Variants in TMTC4 observed in about 807,000 individuals in gnomAD.
TMTC4 encodes the protein transmembrane O-mannosyltransferase targeting cadherins 4, also known as protein O-mannosyl-transferase TMTC4.
Under a neutral mutation model 86.0 loss-of-function variants are expected in TMTC4, and 65 were observed. The ratio of observed to expected loss-of-function variants is 0.76; its 90% CI spans 0.62 to 0.93. TMTC4 has a LOEUF of 0.93. TMTC4 is among the 40% of genes least tolerant of loss of function. TMTC4 has a pLI of 0.00. For synonymous variants in TMTC4, 379 were observed against 382.5 expected, an observed-to-expected ratio of 0.99 and a Z score of 0.11; for missense variants, 866 against 948.1, an observed-to-expected ratio of 0.91 and a Z score of 1.14.
intron 17 of TMTC4, among the ~76,000 whole-genome samples, chr13:100,610,434 G>C (rs1237942844): frequency 6.6e-6 from 1 of 152,194 alleles, no homozygotes; most frequent in African/African-American, 2.4e-5. Flanking sequence ...AAAATACATG[G>C]AATGCTTGCT....
At chr13:100,642,190 C>T in intron 7 of TMTC4, 21 bp downstream of exon 7, 3 of 1,612,896 alleles carry the variant, frequency 1.9e-6, no homozygotes, top group Non-Finnish European at 2.5e-6. Context: ...AAGCAGGCCC[C>T]AGCCATGTTG....
chr13:100,612,639 G>C, intron 16 of TMTC4, 129 bp from the exon 17 acceptor site: 1 of 623,118 alleles, frequency 1.6e-6, no homozygotes, highest in Non-Finnish European at 2.8e-6. Context: ...AAGAAAATCT[G>C]TGTAGATCAT....
chr13:100,611,468 C>T (rs775770087), intron 17 of TMTC4, among the ~76,000 whole-genome samples: 16 of 152,150 alleles, frequency 1.1e-4, no homozygotes, highest in Non-Finnish European at 4.4e-5. Context: ...GCCTATAGTC[C>T]CAGCCACTCG....
chr13:100,627,295 G>A (rs939973986), intron 12 of TMTC4, among the ~76,000 whole-genome samples: 5 of 152,190 alleles, frequency 3.3e-5, no homozygotes, highest in Admixed American at 2.0e-4. Context: ...CCACGAGGCC[G>A]GCGCGGGGCG....
At chr13:100,623,115 C>T (rs1196440737) in intron 15 of TMTC4, among the ~76,000 whole-genome samples, 1 of 152,214 alleles carries the variant, frequency 6.6e-6, no homozygotes, top group African/African-American at 2.4e-5. Flanking sequence ...TCCCCACAAA[C>T]CATGGCTTCT....
chr13:100,627,112 A>AATGAGT (rs1179081436), intron 12 of TMTC4, among the ~76,000 whole-genome samples: 1 of 152,138 alleles, frequency 6.6e-6, no homozygotes, highest in Admixed American at 6.5e-5. Flanking sequence ...CACTGTGAGA[A>AATGAGT]ATGAGTGTCT....
chr13:100,656,147 T>C (rs550472319), intron 6 of TMTC4, among the ~76,000 whole-genome samples: 18 of 152,324 alleles, frequency 1.2e-4, no homozygotes, highest in Non-Finnish European at 4.4e-5. Context: ...TTGGTCTCAA[T>C]ACCTAATAGG....
chr13:100,655,714 C>A (rs1041398740), intron 6 of TMTC4, among the ~76,000 whole-genome samples: 4 of 152,218 alleles, frequency 2.6e-5, no homozygotes, highest in African/African-American at 7.2e-5. Context: ...CAGCTGTCCC[C>A]AAACTCTCTA....
At chr13:100,657,539 G>A (rs1464031692) in intron 5 of TMTC4, among the ~76,000 whole-genome samples, 1 of 151,926 alleles carries the variant, frequency 6.6e-6, no homozygotes, top group Non-Finnish European at 1.5e-5. Context: ...TGTACGTGAT[G>A]AAAGACACAG....
At chr13:100,663,982 G>A (rs942838804) in intron 4 of TMTC4, among the ~76,000 whole-genome samples, 5 of 152,120 alleles carry the variant, frequency 3.3e-5, no homozygotes, top group African/African-American at 1.2e-4. Context: ...AACCAGCAAA[G>A]GGTCAAACCT....
chr13:100,660,628 T>A (rs1309333758), intron 5 of TMTC4, among the ~76,000 whole-genome samples: 4 of 151,314 alleles, frequency 2.6e-5, no homozygotes, highest in African/African-American at 9.7e-5. Context: ...TCCTTGGGTG[T>A]TCCACTCTTT....
At chr13:100,643,105 T>C (rs1883240414) in intron 6 of TMTC4, among the ~76,000 whole-genome samples, 1 of 151,946 alleles carries the variant, frequency 6.6e-6, no homozygotes, top group African/African-American at 2.4e-5. Context: ...TGCGTGCAAT[T>C]TGGGGGCCAG....
intron 8 of TMTC4, 46 bp from the exon 9 acceptor site, chr13:100,637,748 A>C (rs917305805): frequency 5.6e-6 from 9 of 1,597,328 alleles, no homozygotes; most frequent in Non-Finnish European, 7.7e-6. Context: ...TTTTCACATA[A>C]AAGTGTGGCT....
chr13:100,648,294 T>C (rs1566618486), intron 6 of TMTC4, among the ~76,000 whole-genome samples: 1 of 151,990 alleles, frequency 6.6e-6, no homozygotes, highest in Non-Finnish European at 1.5e-5. Flanking sequence ...GTGTTGTTAG[T>C]GTGGAATACA....
intron 18 of TMTC4, among the ~76,000 whole-genome samples, chr13:100,606,028 G>A (rs1034575660): frequency 1.3e-5 from 2 of 152,168 alleles, no homozygotes; most frequent in African/African-American, 4.8e-5. Flanking sequence ...AAGTACCTAC[G>A]ATTAATTTAC....
rs1886707261 is a variant in TMTC4 at position 100,668,760 on chromosome 13, T to G, written c.38A>C (p.His13Pro). ...PNQHNAGAGS[H>P]QPAVFRMAVL... is the part of the protein sequence containing the mutation. ...GGCCATTCTGAAAACTGCAGGTTGG[T>G]GGCTCCCGGCTCCAGCATTATGCTG... Residue 13 changes from histidine to proline, a missense_variant, in exon 3 of 19, where the codon CAC (histidine) becomes CCC (proline). By Grantham distance (77) the His-to-Pro change is moderately conservative. Coordinates refer to ENST00000342624, the MANE Select transcript of TMTC4 (RefSeq NM_032813.5). The G allele has an allele frequency of 1.2e-6, 2 of 1,614,116 alleles. No homozygotes were observed. Among genetic ancestry groups the G allele is most frequent in the Admixed American group, 3.3e-5 (2 of 60,006 alleles).
rs1334085369 is a variant in TMTC4 at position 100,632,024 on chromosome 13, C to G, written c.1506+2781G>C. Reference sequence around the variant, plus strand: ...TTAAATTAAGAGGAAACCACACACACACACACACACACACACACACACACA... The same window carrying G: ...TTAAATTAAGAGGAAACCACACACAGACACACACACACACACACACACACA... On this transcript the variant is annotated intron_variant, in intron 12 of 18. Coordinates refer to ENST00000342624, the MANE Select transcript of TMTC4 (RefSeq NM_032813.5). Among the ~76,000 whole-genome samples the G allele has an allele frequency of 1.1e-4, 7 of 61,506 alleles. No individual in the cohort carries two copies. In the East Asian group the frequency reaches 2.5e-3, roughly 22 times the overall value. 40.4% of individuals were successfully genotyped at this position (61,506 alleles called of 152,430 possible). A position where few individuals can be genotyped will look rare whatever the true frequency, so the allele number is the denominator to read the frequency against.
chr13:100,657,559 C>A (rs981013044), intron 5 of TMTC4, among the ~76,000 whole-genome samples: 1 of 152,184 alleles, frequency 6.6e-6, no homozygotes, highest in African/African-American at 2.4e-5. Context: ...GAATTCCCCC[C>A]AGGGGTACTG....
chr13:100,655,250 T>G (rs1473432597), intron 6 of TMTC4, among the ~76,000 whole-genome samples: 1 of 152,144 alleles, frequency 6.6e-6, no homozygotes, highest in Non-Finnish European at 1.5e-5. Flanking sequence ...CTCGAACTCC[T>G]GACCTCAAGT....
Sources: gnomAD v4.1 joint callset for allele counts (sites outside exome capture counted in the v4.1 genomes callset) on GRCh38, gnomAD v4.1.1 for gene constraint, MANE v1.5 for transcripts, NCBI Gene and HGNC (gene_info 2026-07-23, HGNC 2026-07-21) for gene names.